The following GLRA3 variants were observed in gnomAD, a reference collection of about 807,000 sequenced individuals.
The protein encoded by GLRA3 is glycine receptor subunit alpha-3.
A neutral mutation model predicts 60.4 loss-of-function variants in GLRA3; 44 were observed. That is an observed-to-expected ratio of 0.73 (90% CI 0.57 to 0.94). The LOEUF (loss-of-function observed/expected upper bound fraction) is 0.94, where lower values mean the gene tolerates loss of function less well. Ranked by LOEUF, GLRA3 falls within the 40% of genes least tolerant of loss-of-function variation. GLRA3 has a pLI of 0.00. For missense variants in GLRA3, 508 were observed against 564.6 expected (o/e 0.90, Z 1.02); for synonymous variants, 223 against 192.9 (o/e 1.16, Z -1.29).
chr4:174,641,049 C>G lies in GLRA3; in HGVS notation c.*2737G>C, dbSNP rs1732612342. The G allele has an allele frequency of 6.6e-6, 1 of 151,950 alleles. No individual in the cohort carries two copies. The highest frequency in any genetic ancestry group is 2.1e-4 in the South Asian group (1 of 4,824). The allele number at this position is 151,950 out of a possible 1,614,324, so 9.4% of individuals were successfully genotyped here. On this transcript the variant is annotated 3_prime_UTR_variant, in exon 10 of 10. Coordinates refer to ENST00000274093, the MANE Select transcript of GLRA3 (RefSeq NM_006529.4). ...AAAGAAAAGGTTGGGCACATATATG[C>G]TAATGTATAAGATAGCCTATAAATT...
intron 4 of GLRA3, among the ~76,000 whole-genome samples, chr4:174,720,686 T>C (rs1366340482): frequency 6.6e-6 from 1 of 152,160 alleles, no homozygotes; most frequent in Admixed American, 6.5e-5. Flanking sequence ...TTTTGAGAGA[T>C]GAGAACATCT....
intron 1 of GLRA3, among the ~76,000 whole-genome samples, chr4:174,789,176 T>A (rs2111304542): frequency 6.6e-6 from 1 of 152,278 alleles, no homozygotes; most frequent in African/African-American, 2.4e-5. Flanking sequence ...TCTTTTGTAT[T>A]AGACCTGAAA....
intron 1 of GLRA3, among the ~76,000 whole-genome samples, chr4:174,812,733 T>C (rs1209197019): frequency 6.6e-6 from 1 of 152,158 alleles, no homozygotes; most frequent in Non-Finnish European, 1.5e-5. Flanking sequence ...ATGCCATCAC[T>C]GATGTTAACA....
intron 7 of GLRA3, among the ~76,000 whole-genome samples, chr4:174,661,126 A>G (rs1733418723): frequency 6.6e-6 from 1 of 152,082 alleles, no homozygotes; most frequent in Non-Finnish European, 1.5e-5. Context: ...CCTAAGTGGT[A>G]TCGTTTCTAG....
chr4:174,694,980 G>T (rs918769492), intron 5 of GLRA3, among the ~76,000 whole-genome samples: 4 of 151,956 alleles, frequency 2.6e-5, no homozygotes, highest in Non-Finnish European at 4.4e-5. Flanking sequence ...CCTAGAAGGG[G>T]TGCTTAAATT....
In GLRA3 at chr4:174,644,354, TA is replaced by T. The variant is rs576426976; in HGVS notation, c.1117-291del. 6.7e-3 allele frequency among the ~76,000 whole-genome samples: 984 copies of T among 147,262 alleles called. 27 individuals are homozygous for T. In the East Asian group the frequency reaches 0.073, roughly 11 times the overall value. ...CTACATATTGCTTGAATATCTAAAT[TA>T]AAAAAAAAACAAGATAAAATCTATT... On this transcript the variant is annotated intron_variant, in intron 9 of 9. Coordinates refer to ENST00000274093, the MANE Select transcript of GLRA3 (RefSeq NM_006529.4).
At position 174,828,960 on chromosome 4, in the gene GLRA3, C is replaced by A; in HGVS notation, c.-149G>T. The stretch of plus-strand genomic sequence containing the variant: ...CTTCAGCACCTTAGACAGCTCCCCG[C>A]AGTATGCGGACCCCTTCTCAGCATT... On this transcript the variant is annotated 5_prime_UTR_variant, in exon 1 of 10. Coordinates refer to ENST00000274093, the MANE Select transcript of GLRA3 (RefSeq NM_006529.4). 1.6e-6 allele frequency: 1 copy of A among 641,956 alleles called. No individual in the cohort carries two copies. The highest frequency in any genetic ancestry group is 1.8e-5 in the South Asian group (1 of 54,938). 39.8% of individuals were successfully genotyped at this position (641,956 alleles called of 1,614,324 possible).
In GLRA3 at chr4:174,661,296, C is replaced by T. The variant is rs72998782; in HGVS notation, c.928-2099G>A. ...CATCTCTATATCTAACTCAACACCACAGGGTTCCCTTTAGCCTATACCCTT... is the reference window on the plus strand; with the variant it reads ...CATCTCTATATCTAACTCAACACCATAGGGTTCCCTTTAGCCTATACCCTT... On this transcript the variant is annotated intron_variant, in intron 7 of 9. Coordinates refer to ENST00000274093, the MANE Select transcript of GLRA3 (RefSeq NM_006529.4). Among the ~76,000 whole-genome samples the T allele has an allele frequency of 1.4e-3, 211 of 152,288 alleles. 3 individuals are homozygous for T. Among genetic ancestry groups the T allele is most frequent in the African/African-American group, 4.9e-3 (203 of 41,556 alleles).
chr4:174,829,006 A>G lies in GLRA3; in HGVS notation c.-195T>C, dbSNP rs558441886. 2 of 554,398 alleles carry G rather than the reference A, an allele frequency of 3.6e-6. No individual in the cohort carries two copies. The highest frequency in any genetic ancestry group is 6.4e-5 in the Admixed American group (2 of 31,292). 34.3% of individuals were successfully genotyped at this position (554,398 alleles called of 1,614,324 possible). On this transcript the variant is annotated 5_prime_UTR_variant, in exon 1 of 10. Coordinates refer to ENST00000274093, the MANE Select transcript of GLRA3 (RefSeq NM_006529.4). Reference sequence around the variant, plus strand: ...GCATTGAGCAGAAGTGGAGAGTCACAGTGTTATAAATGTGCAGGTGATTTT... The same window carrying G: ...GCATTGAGCAGAAGTGGAGAGTCACGGTGTTATAAATGTGCAGGTGATTTT...
At chr4:174,803,691 G>A (rs953908290) in intron 1 of GLRA3, among the ~76,000 whole-genome samples, 8 of 152,022 alleles carry the variant, frequency 5.3e-5, no homozygotes, top group Non-Finnish European at 7.4e-5. Flanking sequence ...TGACTCTTTC[G>A]GTCAGGGATA....
At chr4:174,792,344 T>A (rs1353435370) in intron 1 of GLRA3, among the ~76,000 whole-genome samples, 1 of 152,176 alleles carries the variant, frequency 6.6e-6, no homozygotes, top group Non-Finnish European at 1.5e-5. Flanking sequence ...TGTTTTTTTT[T>A]AATGATCTTT....
At chr4:174,664,080 T>G (rs967062479) in intron 7 of GLRA3, among the ~76,000 whole-genome samples, 5 of 152,168 alleles carry the variant, frequency 3.3e-5, no homozygotes, top group African/African-American at 1.2e-4. Flanking sequence ...GGGGTGCTCT[T>G]TCCATGGCTT....
Position 174,651,786 on chromosome 4 carries a change from T to C in GLRA3, c.1116+4957A>G, listed in dbSNP as rs116033288. Among the ~76,000 whole-genome samples the C allele has an allele frequency of 4.0e-3, 607 of 152,312 alleles. 5 individuals are homozygous for C. Among genetic ancestry groups the C allele is most frequent in the African/African-American group, 0.014 (575 of 41,562 alleles). Reference sequence around the variant, plus strand: ...CTGCTAGAATTCCTTGCAAATCTAATTTATGGAACCAAAGAGTCTTTGTGT... The same window carrying C: ...CTGCTAGAATTCCTTGCAAATCTAACTTATGGAACCAAAGAGTCTTTGTGT... On this transcript the variant is annotated intron_variant, in intron 9 of 9. Coordinates refer to ENST00000274093, the MANE Select transcript of GLRA3 (RefSeq NM_006529.4).
intron 3 of GLRA3, among the ~76,000 whole-genome samples, chr4:174,752,928 G>A (rs1737545609): frequency 6.6e-6 from 1 of 152,048 alleles, no homozygotes; most frequent in Non-Finnish European, 1.5e-5. Context: ...GCAGATTATA[G>A]TACTACCTTT....
At chr4:174,718,900 A>G (rs959379546) in intron 4 of GLRA3, among the ~76,000 whole-genome samples, 17 of 151,594 alleles carry the variant, frequency 1.1e-4, no homozygotes, top group South Asian at 4.2e-4. Context: ...CTGACATTAC[A>G]CAGCAAAAAT....
At chr4:174,800,362 ATAACT>A (rs1274938348) in intron 1 of GLRA3, among the ~76,000 whole-genome samples, 1 of 152,144 alleles carries the variant, frequency 6.6e-6, no homozygotes, top group Non-Finnish European at 1.5e-5. Context: ...ATTAATAGAC[ATAACT>A]TAATGTGGTG....
chr4:174,678,048 C>T (rs1479574860), intron 6 of GLRA3, among the ~76,000 whole-genome samples: 1 of 152,040 alleles, frequency 6.6e-6, no homozygotes, highest in Non-Finnish European at 1.5e-5. Flanking sequence ...AGGATAAACA[C>T]AATTGAACAC....
intron 1 of GLRA3, among the ~76,000 whole-genome samples, chr4:174,812,193 T>C (rs1415040176): frequency 6.6e-6 from 1 of 152,126 alleles, no homozygotes; most frequent in Non-Finnish European, 1.5e-5. Flanking sequence ...ATAGTACTAA[T>C]GAAATGCATT....
intron 1 of GLRA3, among the ~76,000 whole-genome samples, chr4:174,825,660 TATG>T (rs1215210455): frequency 6.6e-6 from 1 of 152,110 alleles, no homozygotes; most frequent in African/African-American, 2.4e-5. Context: ...ATTTTATTAA[TATG>T]ATAACTAAAA....
Sources: gnomAD v4.1 joint callset for allele counts (sites outside exome capture counted in the v4.1 genomes callset) on GRCh38, gnomAD v4.1.1 for gene constraint, MANE v1.5 for transcripts, NCBI Gene and HGNC (gene_info 2026-07-23, HGNC 2026-07-21) for gene names.